Variants in ADIPOR2 observed in about 807,000 individuals in gnomAD.
The protein encoded by ADIPOR2 is adiponectin receptor 2, also known as adiponectin receptor protein 2.
ADIPOR2 carries 18 observed loss-of-function variants against 40.9 expected under a neutral mutation model. The observed-to-expected ratio is 0.44, with a 90% CI of 0.30 to 0.65. The LOEUF (loss-of-function observed/expected upper bound fraction) is 0.65, where lower values mean the gene tolerates loss of function less well. Among genes scored for constraint, ADIPOR2 ranks in the 30% least tolerant of loss-of-function variants. The probability of loss-of-function intolerance (pLI) is 0.09; values close to 1 mark genes in which losing one functional copy is unlikely to be tolerated. For missense variants in ADIPOR2, 283 were observed against 479.2 expected, an observed-to-expected ratio of 0.59 and a Z score of 3.82; for synonymous variants, 165 against 166.4, an observed-to-expected ratio of 0.99 and a Z score of 0.06.
At chr12:1,771,182 CAGT>C (rs760706875) in intron 2 of ADIPOR2, among the ~76,000 whole-genome samples, 4 of 152,160 alleles carry the variant, frequency 2.6e-5, no homozygotes, top group African/African-American at 7.2e-5. Flanking sequence ...ACAACAGACA[CAGT>C]GGTGCATACC....
chr12:1,754,734 A>C (rs1433824405), intron 2 of ADIPOR2, among the ~76,000 whole-genome samples: 1 of 137,496 alleles, frequency 7.3e-6, no homozygotes, highest in Admixed American at 7.9e-5. Context: ...TACTACTACT[A>C]CTACTACTAC....
At chr12:1,755,315 A>G (rs1241898282) in intron 2 of ADIPOR2, among the ~76,000 whole-genome samples, 4 of 151,950 alleles carry the variant, frequency 2.6e-5, no homozygotes, top group African/African-American at 9.7e-5. Context: ...CAACCTCCTT[A>G]TCCACCTGCC....
At chr12:1,728,620 A>G (rs2094712938) in intron 1 of ADIPOR2, among the ~76,000 whole-genome samples, 1 of 151,856 alleles carries the variant, frequency 6.6e-6, no homozygotes, top group Non-Finnish European at 1.5e-5. Context: ...GCTACTCCGG[A>G]GGCTGAAGCA....
chr12:1,707,111 C>G (rs2094664881), intron 1 of ADIPOR2, among the ~76,000 whole-genome samples: 1 of 152,148 alleles, frequency 6.6e-6, no homozygotes, highest in South Asian at 2.1e-4. Flanking sequence ...TAGTTTGTTG[C>G]CTTTTATTGC....
At chr12:1,745,491 G>A (rs768701579) in intron 1 of ADIPOR2, among the ~76,000 whole-genome samples, 7 of 152,136 alleles carry the variant, frequency 4.6e-5, no homozygotes, top group African/African-American at 1.7e-4. Flanking sequence ...GCTGTTGTTT[G>A]TGCTGTTAAT....
intron 2 of ADIPOR2, 80 bp downstream of exon 2, chr12:1,754,594 TG>T: frequency 7.2e-7 from 1 of 1,385,582 alleles, no homozygotes; most frequent in Non-Finnish European, 9.6e-7. Flanking sequence ...GAAAAAAAAG[TG>T]GGGGTCCATT....
chr12:1,719,478 G>A (rs554286164), intron 1 of ADIPOR2, among the ~76,000 whole-genome samples: 1 of 152,274 alleles, frequency 6.6e-6, no homozygotes, highest in East Asian at 1.9e-4. Flanking sequence ...GTAACTATAT[G>A]AACATGGATA....
rs888182572 is a variant in ADIPOR2 at position 1,772,853 on chromosome 12, A to G, written c.183A>G (p.Glu61=). 7 of 1,611,386 alleles carry G rather than the reference A, an allele frequency of 4.3e-6. No individual in the cohort carries two copies. The African/African-American group carries it at 8.0e-5, about 18-fold the overall frequency. Residue 61 remains glutamate, a synonymous_variant, in exon 3 of 8, where the codon GAA becomes GAG. Coordinates refer to ENST00000357103, the MANE Select transcript of ADIPOR2 (RefSeq NM_024551.3). ...TGATTGCCTTGCAGAGCTCTGAGGA[A>G]CATGAATACAGTGATGAAGCTCCTC... ...LSSHHKKSSE[E]HEYSDEAPQE...
chr12:1,772,684 A>G, intron 2 of ADIPOR2, 158 bp from the exon 3 acceptor site: 1 of 859,316 alleles, frequency 1.2e-6, no homozygotes, highest in Non-Finnish European at 1.6e-6. Flanking sequence ...TTTAATACTA[A>G]TAATTCTATA....
intron 1 of ADIPOR2, among the ~76,000 whole-genome samples, chr12:1,726,569 C>T (rs1036133781): frequency 4.6e-5 from 7 of 152,114 alleles, no homozygotes; most frequent in African/African-American, 1.2e-4. Flanking sequence ...ATTTGAGAGT[C>T]AAGAGATCTG....
chr12:1,748,226 A>G (rs1003143803), intron 1 of ADIPOR2, among the ~76,000 whole-genome samples: 3 of 151,768 alleles, frequency 2.0e-5, no homozygotes, highest in African/African-American at 7.3e-5. Flanking sequence ...TATTGTCATT[A>G]TGCTTTCCTT....
At chr12:1,745,977 G>C (rs2094754101) in intron 1 of ADIPOR2, among the ~76,000 whole-genome samples, 1 of 152,026 alleles carries the variant, frequency 6.6e-6, no homozygotes, top group Admixed American at 6.6e-5. Flanking sequence ...AGTTACTAAA[G>C]AATGTAAAAT....
chr12:1,763,109 T>C (rs1040245807), intron 2 of ADIPOR2, among the ~76,000 whole-genome samples: 13 of 152,134 alleles, frequency 8.5e-5, no homozygotes, highest in African/African-American at 3.1e-4. Context: ...TTATTTGAGG[T>C]GTTGGAGAGG....
At position 1,786,656 on chromosome 12, in the gene ADIPOR2, C is replaced by G. The variant is rs1049447074; in HGVS notation, c.*584C>G. 6.5e-6 allele frequency: 1 copy of G among 152,882 alleles called. No individual in the cohort carries two copies. Among genetic ancestry groups the G allele is most frequent in the Non-Finnish European group, 1.5e-5 (1 of 68,252 alleles). The allele number at this position is 152,882 out of a possible 1,614,324, so 9.5% of individuals were successfully genotyped here. ...TAGAATGAAACATGCAAGTACCACACACTGTTTGAATTTTGCACAAAAAGT... is the reference window on the plus strand; with the variant it reads ...TAGAATGAAACATGCAAGTACCACAGACTGTTTGAATTTTGCACAAAAAGT... On this transcript the variant is annotated 3_prime_UTR_variant, in exon 8 of 8. Transcript: ENST00000357103.
At chr12:1,761,215 T>C (rs546721807) in intron 2 of ADIPOR2, among the ~76,000 whole-genome samples, 41 of 152,304 alleles carry the variant, frequency 2.7e-4, no homozygotes, top group African/African-American at 9.1e-4. Flanking sequence ...TTAGAACATA[T>C]TTCCTGTGGA....
chr12:1,772,490 G>GT (rs1177088659), intron 2 of ADIPOR2, among the ~76,000 whole-genome samples: 1 of 152,022 alleles, frequency 6.6e-6, no homozygotes, highest in Non-Finnish European at 1.5e-5. Flanking sequence ...TGTGTCCCAG[G>GT]TGCGAGTCTT....
intron 1 of ADIPOR2, chr12:1,695,978 T>A (rs1319267792): frequency 6.5e-6 from 1 of 153,508 alleles, no homozygotes; most frequent in Non-Finnish European, 1.5e-5. Flanking sequence ...TCTCTTTATC[T>A]CTGGATTTGG....
chr12:1,699,480 C>CA (rs1228114801), intron 1 of ADIPOR2, among the ~76,000 whole-genome samples: 2 of 151,550 alleles, frequency 1.3e-5, no homozygotes, highest in Non-Finnish European at 2.9e-5. Flanking sequence ...CAAAACAAAA[C>CA]AAAAAAAACC....
intron 1 of ADIPOR2, among the ~76,000 whole-genome samples, chr12:1,717,543 T>G (rs1342588100): frequency 6.6e-6 from 1 of 152,082 alleles, no homozygotes; most frequent in African/African-American, 2.4e-5. Flanking sequence ...CTGTCTCTGC[T>G]AAAAATACAA....
Sources: allele counts gnomAD v4.1 joint callset (sites outside exome capture counted in the v4.1 genomes callset), GRCh38; gene constraint gnomAD v4.1.1; transcripts MANE v1.5; gene names NCBI Gene and HGNC (gene_info 2026-07-23, HGNC 2026-07-21).